The following LAMC3 variants were observed in gnomAD, a reference collection of about 807,000 sequenced individuals.
LAMC3 encodes laminin subunit gamma-3.
Under a neutral mutation model 173.8 loss-of-function variants are expected in LAMC3, and 128 were observed. The observed-to-expected ratio is 0.74, with a 90% CI of 0.64 to 0.85. LAMC3 has a LOEUF of 0.85. LAMC3 is among the 40% of genes least tolerant of loss of function. The probability of loss-of-function intolerance (pLI) is 0.00; values close to 1 mark genes in which losing one functional copy is unlikely to be tolerated. For synonymous variants in LAMC3, 897 were observed against 909.1 expected, an observed-to-expected ratio of 0.99 and a Z score of 0.24; for missense variants, 2,022 against 2,156.0, an observed-to-expected ratio of 0.94 and a Z score of 1.23.
chr9:131,036,733 C>T lies in LAMC3; in HGVS notation c.976+401C>T, dbSNP rs1041043780. ...GCCCCCAGGCAGCCCTTTGGTGTCCCAGCCCCCATGTGATGTGGCTTTGAC... is the reference window on the plus strand; with the variant it reads ...GCCCCCAGGCAGCCCTTTGGTGTCCTAGCCCCCATGTGATGTGGCTTTGAC... On this transcript the variant is annotated intron_variant, in intron 4 of 27. Coordinates refer to ENST00000361069, the MANE Select transcript of LAMC3 (RefSeq NM_006059.4). 2.0e-5 allele frequency among the ~76,000 whole-genome samples: 3 copies of T among 152,236 alleles called. No individual in the cohort carries two copies. In the East Asian group the frequency reaches 5.8e-4, roughly 29 times the overall value.
At chr9:131,058,332 C>T (rs545172064) in intron 12 of LAMC3, among the ~76,000 whole-genome samples, 107 of 152,074 alleles carry the variant, frequency 7.0e-4, no homozygotes, top group Non-Finnish European at 1.3e-3. Flanking sequence ...AGGCTGGTCT[C>T]AAACCTCTAA....
chr9:131,075,734 G>C (rs771236234), intron 20 of LAMC3, 97 bp from the exon 21 acceptor site: 367 of 1,361,884 alleles, frequency 2.7e-4, no homozygotes, highest in Non-Finnish European at 3.5e-4. Context: ...CCTCTGTTAG[G>C]GGCAGCAGGA....
At chr9:131,053,903 A>G (rs1046010251) in intron 11 of LAMC3, among the ~76,000 whole-genome samples, 1 of 151,956 alleles carries the variant, frequency 6.6e-6, no homozygotes, top group Non-Finnish European at 1.5e-5. Flanking sequence ...CCAGCTACTC[A>G]GGAGACTAAG....
intron 1 of LAMC3, among the ~76,000 whole-genome samples, chr9:131,024,906 G>A (rs956375641): frequency 6.6e-6 from 1 of 152,132 alleles, no homozygotes; most frequent in African/African-American, 2.4e-5. Context: ...TCCTGTCCTG[G>A]GGGGATGTCA....
In LAMC3 at chr9:131,068,237, T is replaced by C; in HGVS notation, c.2747+6T>C. ...CCTGGGAGGGGCTGCCGGAGGTAGGTAGGGTGAGACTGCCGGTGCCCTGGG... is the reference window on the plus strand; with the variant it reads ...CCTGGGAGGGGCTGCCGGAGGTAGGCAGGGTGAGACTGCCGGTGCCCTGGG... On this transcript the variant is annotated splice_donor_region_variant and intron_variant, in intron 15 of 27. Coordinates refer to ENST00000361069, the MANE Select transcript of LAMC3 (RefSeq NM_006059.4). The C allele has an allele frequency of 6.2e-7, 1 of 1,607,758 alleles. No homozygotes were observed. Among genetic ancestry groups the C allele is most frequent in the East Asian group, 2.2e-5 (1 of 44,720 alleles).
At chr9:131,072,595 C>T in intron 18 of LAMC3, 35 bp from the exon 19 acceptor site, 1 of 1,572,056 alleles carries the variant, frequency 6.4e-7, no homozygotes, top group Non-Finnish European at 8.7e-7. Flanking sequence ...ACATCTCCAC[C>T]ACTTTGTGAC....
chr9:131,055,831 C>T (rs1397669979), intron 11 of LAMC3, among the ~76,000 whole-genome samples: 1 of 151,994 alleles, frequency 6.6e-6, no homozygotes, highest in Admixed American at 6.6e-5. Flanking sequence ...ATGTCACTGA[C>T]ATTTCTGTGT....
Position 131,060,987 on chromosome 9 carries a change from T to C in LAMC3, c.2159-48T>C, listed in dbSNP as rs1829798084. On this transcript the variant is annotated intron_variant, in intron 12 of 27. Transcript: ENST00000361069. Reference sequence around the variant, plus strand: ...ACCTCTCCCACCGGGATGCCCACCATCTCTGGGCATTCTGGGTTCAGACAG... The same window carrying C: ...ACCTCTCCCACCGGGATGCCCACCACCTCTGGGCATTCTGGGTTCAGACAG... The C allele has an allele frequency of 2.5e-6, 4 of 1,592,010 alleles. No individual in the cohort carries two copies. In the East Asian group the frequency reaches 8.9e-5, roughly 36 times the overall value.
Position 131,069,853 on chromosome 9 carries a change from G to A in LAMC3, c.3069+3G>A, listed in dbSNP as rs1166470522. The A allele has an allele frequency of 6.3e-7, 1 of 1,582,914 alleles. No homozygotes were observed. The highest frequency in any genetic ancestry group is 2.3e-5 in the East Asian group (1 of 43,640). ...GCTACGCCCTGGTGAAGGAGGAGGT[G>A]AGTCGGCCCAGACCCACTCACCTTT... On this transcript the variant is annotated splice_donor_region_variant and intron_variant, in intron 17 of 27. Transcript: ENST00000361069.
intron 13 of LAMC3, among the ~76,000 whole-genome samples, chr9:131,064,662 T>A: frequency 4.3e-5 from 2 of 46,500 alleles, no homozygotes. Context: ...AGACTCCGTC[T>A]CCAAAAAAAA....
At chr9:131,060,943 G>T in intron 12 of LAMC3, 92 bp from the exon 13 acceptor site, 2 of 1,346,670 alleles carry the variant, frequency 1.5e-6, no homozygotes, top group South Asian at 2.4e-5. Flanking sequence ...CCCCACTTCT[G>T]CCCGGGATGT....
At chr9:131,083,406 A>G (rs1226666367) in intron 24 of LAMC3, among the ~76,000 whole-genome samples, 4 of 152,156 alleles carry the variant, frequency 2.6e-5, no homozygotes, top group African/African-American at 9.7e-5. Context: ...TCTTACCACC[A>G]GCTTGGCTGT....
chr9:131,075,960 G>A lies in LAMC3; in HGVS notation c.3624G>A (p.Glu1208=), dbSNP rs569440839. Residue 1208 remains glutamate, a synonymous_variant, in exon 21 of 28, where the codon GAG becomes GAA. Coordinates refer to ENST00000361069, the MANE Select transcript of LAMC3 (RefSeq NM_006059.4). ...RVALETQRDL[E]DRYQEVQAAQ... ...CCCTAGAGACCCAGCGGGACCTGGAGGACAGGTGAGGCCTCCCCAGGTGTG... is the reference window on the plus strand; with the variant it reads ...CCCTAGAGACCCAGCGGGACCTGGAAGACAGGTGAGGCCTCCCCAGGTGTG... 2.9e-4 allele frequency: 459 copies of A among 1,607,418 alleles called. 2 individuals are homozygous for A. The South Asian group carries it at 4.7e-3, about 17-fold the overall frequency.
Position 131,049,080 on chromosome 9 carries a change from C to T in LAMC3, c.1580C>T (p.Pro527Leu). ...TCTGAGCACCCCCCACAATGGAGCC[C>T]AAATGGGGTCCTCCTGAGCCCAGAA... Reference protein sequence around the residue: ...GGSEHPPQWSPNGVLLSPEDE... With the variant: ...GGSEHPPQWSLNGVLLSPEDE... The change falls in exon 9 of 28, where the codon CCA (proline) becomes CTA (leucine). Residue 527 changes from proline to leucine, a missense_variant. Pro to Leu is a moderately conservative substitution (Grantham distance 98). Coordinates refer to ENST00000361069, the MANE Select transcript of LAMC3 (RefSeq NM_006059.4). 6.4e-7 allele frequency: 1 copy of T among 1,552,316 alleles called. No individual in the cohort carries two copies. The highest frequency in any genetic ancestry group is 8.7e-7 in the Non-Finnish European group (1 of 1,147,318).
At chr9:131,064,527 G>A (rs989346493) in intron 13 of LAMC3, among the ~76,000 whole-genome samples, 1 of 152,100 alleles carries the variant, frequency 6.6e-6, no homozygotes, top group Non-Finnish European at 1.5e-5. Flanking sequence ...GCCGGGCGAG[G>A]TGGCGGGCGC....
At position 131,075,949 on chromosome 9, in the gene LAMC3, C is replaced by A. The variant is rs1199242853; in HGVS notation, c.3613C>A (p.Arg1205=). Residue 1205 remains arginine, a synonymous_variant, in exon 21 of 28, where the codon CGG becomes AGG. Transcript: ENST00000361069. ...GGGAAGGGTGGCCCTAGAGACCCAG[C>A]GGGACCTGGAGGACAGGTGAGGCCT... The part of the protein sequence containing the change: ...LEGRVALETQ[R]DLEDRYQEVQ... 5.0e-6 allele frequency: 8 copies of A among 1,608,306 alleles called. No individual in the cohort carries two copies. Among genetic ancestry groups the A allele is most frequent in the Middle Eastern group, 1.6e-4 (1 of 6,068 alleles).
At chr9:131,049,394 C>T (rs997294016) in intron 9 of LAMC3, among the ~76,000 whole-genome samples, 2 of 152,158 alleles carry the variant, frequency 1.3e-5, no homozygotes, top group East Asian at 1.9e-4. Context: ...CTTCCTCCAT[C>T]TTCAAAGCAG....
intron 19 of LAMC3, 135 bp from the exon 20 acceptor site, chr9:131,073,110 C>A: frequency 1.3e-6 from 1 of 763,938 alleles, no homozygotes; most frequent in Non-Finnish European, 2.3e-6. Context: ...TCACTGAATG[C>A]CGATGTTGTG....
chr9:131,082,293 G>C (rs553766514), intron 24 of LAMC3, 132 bp downstream of exon 24: 229 of 711,368 alleles, frequency 3.2e-4, no homozygotes, highest in Non-Finnish European at 5.5e-4. Flanking sequence ...AAGCCAAACA[G>C]ACTTTCCCTC....
Sources: gnomAD v4.1 joint callset for allele counts (sites outside exome capture counted in the v4.1 genomes callset) on GRCh38, gnomAD v4.1.1 for gene constraint, MANE v1.5 for transcripts, NCBI Gene and HGNC (gene_info 2026-07-23, HGNC 2026-07-21) for gene names.